KPNA6: variants seen among roughly 807,000 people sequenced by gnomAD.
The protein encoded by KPNA6 is karyopherin subunit alpha 6.
A neutral mutation model predicts 72.0 loss-of-function variants in KPNA6; 9 were observed. That is an observed-to-expected ratio of 0.13 (90% CI 0.08 to 0.22). KPNA6 has a LOEUF of 0.22. Ranked by LOEUF, KPNA6 falls within the 10% of genes least tolerant of loss-of-function variation. The pLI, the probability that KPNA6 is intolerant of heterozygous loss-of-function variation, is 1.00. For missense variants in KPNA6, 374 were observed against 655.7 expected (o/e 0.57, Z 4.69); for synonymous variants, 219 against 242.1 (o/e 0.90, Z 0.89).
At chr1:32,119,822 A>G (rs1318143503) in intron 1 of KPNA6, among the ~76,000 whole-genome samples, 2 of 148,306 alleles carry the variant, frequency 1.3e-5, no homozygotes, top group Non-Finnish European at 3.0e-5. Context: ...TCAGCTCACT[A>G]TAACCTCCGC....
chr1:32,139,388 A>G (rs951123234), intron 1 of KPNA6, among the ~76,000 whole-genome samples: 1 of 152,236 alleles, frequency 6.6e-6, no homozygotes. Flanking sequence ...TGCAAAGGCT[A>G]TGTAGTAGGA....
intron 1 of KPNA6, among the ~76,000 whole-genome samples, chr1:32,140,001 A>G (rs1641809845): frequency 6.6e-6 from 1 of 152,230 alleles, no homozygotes; most frequent in South Asian, 2.1e-4. Context: ...CCCAGATATA[A>G]AGGATATGTT....
Position 32,173,197 on chromosome 1 carries a change from C to G in KPNA6, c.*2303C>G. Reference sequence around the variant, plus strand: ...TTAAAAAAAAAAAAAAAAAAAAAGCCTTCCCCTACCCAACCTCCGCCCATT... The same window carrying G: ...TTAAAAAAAAAAAAAAAAAAAAAGCGTTCCCCTACCCAACCTCCGCCCATT... On this transcript the variant is annotated 3_prime_UTR_variant, in exon 14 of 14. Transcript: ENST00000373625. 1 of 349,146 alleles carries G rather than the reference C, an allele frequency of 2.9e-6. No individual in the cohort carries two copies. The highest frequency in any genetic ancestry group is 1.7e-4 in the South Asian group (1 of 5,718). 21.6% of individuals were successfully genotyped at this position (349,146 alleles called of 1,614,324 possible).
chr1:32,135,923 T>G (rs2123998222), intron 1 of KPNA6, among the ~76,000 whole-genome samples: 1 of 152,124 alleles, frequency 6.6e-6, no homozygotes, highest in East Asian at 1.9e-4. Flanking sequence ...ATAAACCTAT[T>G]ACCAAAGGAA....
chr1:32,148,570 CTT>C (rs1354307948), intron 1 of KPNA6, among the ~76,000 whole-genome samples: 1 of 117,600 alleles, frequency 8.5e-6, no homozygotes, highest in Admixed American at 8.6e-5. Context: ...TTTTTTTTTT[CTT>C]TTTTTTTTTT....
Position 32,158,381 on chromosome 1 carries a change from G to T in KPNA6, c.426+20G>T. 6.6e-7 allele frequency: 1 copy of T among 1,521,812 alleles called. No individual in the cohort carries two copies. The allele number at this position is 1,521,812 out of a possible 1,614,324, so 94.3% of individuals were successfully genotyped here. On this transcript the variant is annotated intron_variant, in intron 5 of 13. Coordinates refer to ENST00000373625, the MANE Select transcript of KPNA6 (RefSeq NM_012316.5). The stretch of plus-strand genomic sequence containing the variant: ...TTACAGGTGAGGCCTGAAGGGAAGG[G>T]GTTTGTTTTGTCTTTTAATTTTTGG...
intron 1 of KPNA6, among the ~76,000 whole-genome samples, chr1:32,140,306 C>T (rs1331486478): frequency 6.6e-6 from 1 of 151,980 alleles, no homozygotes; most frequent in Non-Finnish European, 1.5e-5. Flanking sequence ...ATTGCTTGAA[C>T]CCAGGAGGCA....
intron 1 of KPNA6, among the ~76,000 whole-genome samples, chr1:32,124,099 A>G (rs1223743517): frequency 6.6e-6 from 1 of 151,804 alleles, no homozygotes; most frequent in Non-Finnish European, 1.5e-5. Flanking sequence ...TTTTAACCCA[A>G]AATTTTTAGG....
chr1:32,156,336 A>G (rs1642142501), intron 2 of KPNA6, among the ~76,000 whole-genome samples: 2 of 152,024 alleles, frequency 1.3e-5, no homozygotes, highest in African/African-American at 4.8e-5. Flanking sequence ...TCATGTTTTC[A>G]TCTTTTTACT....
intron 1 of KPNA6, among the ~76,000 whole-genome samples, chr1:32,113,440 A>G (rs1052099206): frequency 3.9e-5 from 6 of 151,982 alleles, no homozygotes; most frequent in African/African-American, 9.7e-5. Context: ...GTGTGTATGT[A>G]TGTATGTATA....
chr1:32,142,782 C>T (rs568331914), intron 1 of KPNA6: 8 of 342,472 alleles, frequency 2.3e-5, no homozygotes, highest in Admixed American at 1.6e-4. Context: ...TGGAAAAAGC[C>T]GCTGGCGTGC....
At chr1:32,109,093 T>G (rs1383410891) in intron 1 of KPNA6, among the ~76,000 whole-genome samples, 3 of 152,164 alleles carry the variant, frequency 2.0e-5, no homozygotes, top group African/African-American at 7.2e-5. Context: ...AGCTGAGCTT[T>G]AGAGAGGTAA....
intron 1 of KPNA6, among the ~76,000 whole-genome samples, chr1:32,140,153 G>C (rs576369744): frequency 6.6e-6 from 1 of 152,262 alleles, no homozygotes; most frequent in Non-Finnish European, 1.5e-5. Flanking sequence ...GGGAGGCCGA[G>C]GCAGGCGGAT....
intron 6 of KPNA6, among the ~76,000 whole-genome samples, chr1:32,160,080 C>T (rs192540701): frequency 4.6e-5 from 7 of 152,084 alleles, no homozygotes; most frequent in Non-Finnish European, 8.8e-5. Context: ...GGGCAGATCA[C>T]GAGGTCAGGA....
intron 1 of KPNA6, among the ~76,000 whole-genome samples, chr1:32,135,807 A>G (rs770468621): frequency 1.7e-4 from 26 of 150,916 alleles, no homozygotes; most frequent in Non-Finnish European, 3.7e-4. Context: ...GATGATGAAG[A>G]TGTTCTAAAA....
At chr1:32,147,583 C>T (rs2124036329) in intron 1 of KPNA6, among the ~76,000 whole-genome samples, 1 of 151,938 alleles carries the variant, frequency 6.6e-6, no homozygotes, top group East Asian at 1.9e-4. Flanking sequence ...CAGGCATGAA[C>T]CACTGAACCC....
At chr1:32,162,634 A>T in intron 9 of KPNA6, 110 bp downstream of exon 9, 1 of 1,154,506 alleles carries the variant, frequency 8.7e-7, no homozygotes. Context: ...CAGGAGTTCG[A>T]GACCAGCCTG....
At chr1:32,148,370 C>T (rs1220583109) in intron 1 of KPNA6, among the ~76,000 whole-genome samples, 1 of 151,932 alleles carries the variant, frequency 6.6e-6, no homozygotes, top group East Asian at 1.9e-4. Context: ...TCTCGAACTC[C>T]TGACCTCAGT....
At chr1:32,156,751 C>T in intron 2 of KPNA6, 102 bp from the exon 3 acceptor site, 2 of 837,620 alleles carry the variant, frequency 2.4e-6, no homozygotes, top group African/African-American at 1.7e-5. Context: ...TTCTCAGCTA[C>T]TCTAGTATAT....
Sources: gnomAD v4.1 joint callset for allele counts (sites outside exome capture counted in the v4.1 genomes callset) on GRCh38, gnomAD v4.1.1 for gene constraint, MANE v1.5 for transcripts, NCBI Gene and HGNC (gene_info 2026-07-23, HGNC 2026-07-21) for gene names.